Variants in ZNF469 observed in about 807,000 individuals in gnomAD.
ZNF469 encodes zinc finger protein 469.
ZNF469 carries 1 observed loss-of-function variant against 1.0 expected under a neutral mutation model. The ratio of observed to expected loss-of-function variants is 1.00; its 90% CI spans 0.35 to 4.73. The LOEUF (loss-of-function observed/expected upper bound fraction) is 4.73, where lower values mean the gene tolerates loss of function less well. Ranked by LOEUF, ZNF469 falls within the 30% of genes most tolerant of loss-of-function variation. The pLI, the probability that ZNF469 is intolerant of heterozygous loss-of-function variation, is 0.16. For synonymous variants in ZNF469, 2,703 were observed against 2,363.4 expected (o/e 1.14, Z -4.17); for missense variants, 6,100 against 5,356.3 (o/e 1.14, Z -4.33).
the ZNF469 span, among the ~76,000 whole-genome samples, chr16:88,286,351 C>T: frequency 2.0e-3 from 309 of 152,356 alleles, no homozygotes; most frequent in African/African-American, 6.0e-3. Context: ...TGACATCTGC[C>T]GTTATACTCA....
intron 1 of ZNF469, among the ~76,000 whole-genome samples, chr16:88,385,598 G>A (rs1315983313): frequency 7.3e-5 from 11 of 150,402 alleles, no homozygotes; most frequent in African/African-American, 1.7e-4. Context: ...AATGATGATC[G>A]TGCCACCGCA....
chr16:88,130,726 A>AAGG, the ZNF469 span, among the ~76,000 whole-genome samples: 29 of 149,522 alleles, frequency 1.9e-4, no homozygotes, highest in African/African-American at 7.0e-4. Context: ...AAAAAAAAAA[A>AAGG]AGAGGCACCT....
chr16:88,334,412 A>C, the ZNF469 span, among the ~76,000 whole-genome samples: 2 of 152,206 alleles, frequency 1.3e-5, no homozygotes, highest in African/African-American at 4.8e-5. Context: ...CCAGTTGAGC[A>C]TCCCTGACCC....
At chr16:88,118,067 C>T in the ZNF469 span, among the ~76,000 whole-genome samples, 1 of 152,222 alleles carries the variant, frequency 6.6e-6, no homozygotes, top group Admixed American at 6.5e-5. Context: ...CTCAGCCTCC[C>T]CAGTAGCTGG....
Position 88,434,527 on chromosome 16 carries a change from C to T in ZNF469, c.7057C>T (p.Pro2353Ser). 6.5e-7 allele frequency: 1 copy of T among 1,550,330 alleles called. No individual in the cohort carries two copies. Among genetic ancestry groups the T allele is most frequent in the Non-Finnish European group, 8.7e-7 (1 of 1,146,958 alleles). Residue 2353 changes from proline to serine, a missense_variant, in exon 3 of 3, where the codon CCC becomes TCC. Pro to Ser is a moderately conservative substitution (Grantham distance 74). Transcript: ENST00000565624. ...QAVTAVPTEP[P>S]TLQGAGPDSP... ...TGTCACAGCTGTGCCCACTGAGCCTCCCACGCTACAGGGTGCAGGGCCGGA... is the reference window on the plus strand; with the variant it reads ...TGTCACAGCTGTGCCCACTGAGCCTTCCACGCTACAGGGTGCAGGGCCGGA...
chr16:88,166,800 C>CACACACACACACACACAA, the ZNF469 span, among the ~76,000 whole-genome samples: 6 of 151,576 alleles, frequency 4.0e-5, no homozygotes, highest in African/African-American at 1.5e-4. The surrounding 1 kb of genome is among the most constrained non-coding windows in gnomAD (Gnocchi z 4.5). Context: ...CACACACACA[C>CACACACACACACACACAA]AAATACATAT....
intron 1 of ZNF469, among the ~76,000 whole-genome samples, chr16:88,401,933 TAGATACGTG>T: frequency 8.9e-5 from 2 of 22,590 alleles, no homozygotes; most frequent in Non-Finnish European, 2.1e-4. Context: ...GATGGATGGA[TAGATACGTG>T]GGTGGATGGG....
At chr16:88,185,940 A>T in the ZNF469 span, among the ~76,000 whole-genome samples, 1,660 of 150,932 alleles carry the variant, frequency 0.011, 58 homozygotes, top group East Asian at 0.11. Context: ...ACATGTGAAT[A>T]TAGTACATGC....
the ZNF469 span, among the ~76,000 whole-genome samples, chr16:88,288,666 C>T: frequency 6.6e-6 from 1 of 152,222 alleles, no homozygotes; most frequent in African/African-American, 2.4e-5. Flanking sequence ...ACCCCTGATA[C>T]TGTCTCATGT....
At chr16:88,130,726 A>AAAAAAGG in the ZNF469 span, among the ~76,000 whole-genome samples, 1 of 149,466 alleles carries the variant, frequency 6.7e-6, no homozygotes, top group African/African-American at 2.5e-5. Flanking sequence ...AAAAAAAAAA[A>AAAAAAGG]AGAGGCACCT....
At chr16:88,183,991 T>G in the ZNF469 span, among the ~76,000 whole-genome samples, 1 of 151,820 alleles carries the variant, frequency 6.6e-6, no homozygotes, top group Non-Finnish European at 1.5e-5. Flanking sequence ...CTTTCCCAGC[T>G]TTCTGTTCCT....
chr16:88,164,038 T>C, the ZNF469 span, among the ~76,000 whole-genome samples: 1 of 150,782 alleles, frequency 6.6e-6, no homozygotes, highest in Non-Finnish European at 1.5e-5. Flanking sequence ...GATGGATGGA[T>C]GAATGGATAA....
At chr16:88,423,126 GGA>G (rs1178124925) in intron 1 of ZNF469, among the ~76,000 whole-genome samples, 33 of 15,002 alleles carry the variant, frequency 2.2e-3, no homozygotes, top group South Asian at 6.7e-3. Context: ...ATGGATGGAT[GGA>G]TGGATAGATG....
intron 1 of ZNF469, among the ~76,000 whole-genome samples, chr16:88,421,514 C>T (rs555437869): frequency 5.5e-4 from 83 of 152,178 alleles, no homozygotes; most frequent in African/African-American, 1.9e-3. Flanking sequence ...AGGACTGGGA[C>T]GCGTCCCCGA....
At chr16:88,277,653 G>A in the ZNF469 span, among the ~76,000 whole-genome samples, 16 of 126,338 alleles carry the variant, frequency 1.3e-4, no homozygotes, top group Middle Eastern at 4.4e-3. Flanking sequence ...GCTGTGCCAC[G>A]CTGACACTCA....
chr16:88,126,188 CAAAA>C, the ZNF469 span, among the ~76,000 whole-genome samples: 4 of 59,058 alleles, frequency 6.8e-5, no homozygotes, highest in African/African-American at 1.3e-4. Flanking sequence ...GACTCCATCC[CAAAA>C]AAAAAAAAAA....
the ZNF469 span, among the ~76,000 whole-genome samples, chr16:88,258,850 C>G: frequency 6.6e-6 from 1 of 152,228 alleles, no homozygotes. Flanking sequence ...TATGCTTATT[C>G]TACACTCAAG....
the ZNF469 span, among the ~76,000 whole-genome samples, chr16:88,140,083 G>A: frequency 6.6e-6 from 1 of 152,192 alleles, no homozygotes; most frequent in Non-Finnish European, 1.5e-5. Flanking sequence ...TGAACAGCAG[G>A]AAATACATGT....
the ZNF469 span, among the ~76,000 whole-genome samples, chr16:88,204,691 G>A: frequency 6.6e-6 from 1 of 152,208 alleles, no homozygotes; most frequent in Non-Finnish European, 1.5e-5. Context: ...CAGGGTGGGA[G>A]GTCATTCCAG....
Sources: allele counts gnomAD v4.1 joint callset (sites outside exome capture counted in the v4.1 genomes callset), GRCh38; gene constraint gnomAD v4.1.1; non-coding constraint Gnocchi (gnomAD v3.1); transcripts MANE v1.5; gene names NCBI Gene and HGNC (gene_info 2026-07-23, HGNC 2026-07-21).